TXNDC12: variants seen among roughly 807,000 people sequenced by gnomAD.
TXNDC12 encodes thioredoxin domain-containing protein 12.
Under a neutral mutation model 24.2 loss-of-function variants are expected in TXNDC12, and 22 were observed. The ratio of observed to expected loss-of-function variants is 0.91; its 90% CI spans 0.65 to 1.30. The LOEUF is 1.30. Ranked by LOEUF, TXNDC12 falls within the 50% of genes most tolerant of loss-of-function variation. The pLI is 0.00. For synonymous variants in TXNDC12, 58 were observed against 73.4 expected, an observed-to-expected ratio of 0.79 and a Z score of 1.07; for missense variants, 184 against 205.8, an observed-to-expected ratio of 0.89 and a Z score of 0.65.
intron 4 of TXNDC12, among the ~76,000 whole-genome samples, chr1:52,025,793 G>A (rs1163364668): frequency 6.6e-6 from 1 of 151,656 alleles, no homozygotes; most frequent in African/African-American, 2.4e-5. Context: ...GTTCACAAGA[G>A]TCCCAGACCT....
At chr1:52,022,848 C>T (rs900293992) in intron 6 of TXNDC12, among the ~76,000 whole-genome samples, 3 of 152,188 alleles carry the variant, frequency 2.0e-5, no homozygotes, top group African/African-American at 7.2e-5. Context: ...ACCATGTTAG[C>T]CAGGATGGTC....
intron 1 of TXNDC12, among the ~76,000 whole-genome samples, chr1:52,048,226 A>T (rs1175521880): frequency 6.6e-6 from 1 of 152,186 alleles, no homozygotes; most frequent in Non-Finnish European, 1.5e-5. Context: ...GCATTTTGGG[A>T]GGCCAAGGCA....
intron 2 of TXNDC12, among the ~76,000 whole-genome samples, chr1:52,041,158 C>T (rs1685980940): frequency 1.3e-5 from 2 of 151,980 alleles, no homozygotes; most frequent in African/African-American, 4.8e-5. Flanking sequence ...CGGTGAAACC[C>T]CGTCTCTACT....
Position 52,033,663 on chromosome 1 carries a change from G to A in TXNDC12, c.159-5033C>T, listed in dbSNP as rs1685824423. ...CCAGGACAGCTGCGTCGTCCACCAC[G>A]TACACCGCGCGGCCCTCGGCAGCCA... On this transcript the variant is annotated intron_variant, in intron 2 of 6. Transcript: ENST00000371626. 1.9e-6 allele frequency: 3 copies of A among 1,611,104 alleles called. No homozygotes were observed. In the East Asian group the frequency reaches 6.7e-5, roughly 36 times the overall value.
chr1:52,026,239 G>C (rs986750858), intron 4 of TXNDC12, among the ~76,000 whole-genome samples: 5 of 152,154 alleles, frequency 3.3e-5, no homozygotes, highest in Admixed American at 6.5e-5. Context: ...CTAGGTGAGA[G>C]TACCTATTCT....
chr1:52,054,873 A>G, intron 1 of TXNDC12, 127 bp downstream of exon 1: 1 of 651,754 alleles, frequency 1.5e-6, no homozygotes, highest in Non-Finnish European at 2.7e-6. Context: ...CGGTTGGGGA[A>G]GATAAAAAGA....
At chr1:52,030,769 G>A (rs1331398776) in intron 2 of TXNDC12, among the ~76,000 whole-genome samples, 3 of 152,164 alleles carry the variant, frequency 2.0e-5, no homozygotes, top group Admixed American at 1.3e-4. Context: ...CCAGCCCACC[G>A]TCTGCTTCCG....
chr1:52,039,884 T>C (rs974574916), intron 2 of TXNDC12, among the ~76,000 whole-genome samples: 4 of 152,208 alleles, frequency 2.6e-5, no homozygotes, highest in African/African-American at 9.6e-5. Flanking sequence ...GTGTGGTCTA[T>C]AGGTGTTTGT....
intron 1 of TXNDC12, among the ~76,000 whole-genome samples, chr1:52,051,289 A>G (rs1572012902): frequency 1.3e-5 from 2 of 152,320 alleles, no homozygotes; most frequent in South Asian, 2.1e-4. Flanking sequence ...AAGTACTTCT[A>G]GTACAACTTT....
chr1:52,031,064 C>T (rs1298114766), intron 2 of TXNDC12, among the ~76,000 whole-genome samples: 1 of 152,064 alleles, frequency 6.6e-6, no homozygotes, highest in Non-Finnish European at 1.5e-5. Context: ...TTTCCAAAAC[C>T]ACCTCCCCCA....
chr1:52,039,128 C>T lies in TXNDC12; in HGVS notation c.158+2409G>A, dbSNP rs79707328. Among the ~76,000 whole-genome samples the T allele has an allele frequency of 7.2e-3, 1,020 of 140,754 alleles. 5 individuals carry two copies. Among genetic ancestry groups the T allele is most frequent in the Non-Finnish European group, 0.012 (813 of 65,504 alleles). The allele number at this position is 140,754 out of a possible 152,430, so 92.3% of individuals were successfully genotyped here. On this transcript the variant is annotated intron_variant, in intron 2 of 6. Transcript: ENST00000371626. ...AAAAAAGGGTTCATTTATCTTGAAA[C>T]GACAAGCAACTACCTGTGTAGACCT...
At chr1:52,031,863 T>C (rs1396503435) in intron 2 of TXNDC12, among the ~76,000 whole-genome samples, 1 of 152,198 alleles carries the variant, frequency 6.6e-6, no homozygotes, top group African/African-American at 2.4e-5. Context: ...GTACCTACCA[T>C]TTGTTCAATG....
At chr1:52,049,301 A>G (rs1686155348) in intron 1 of TXNDC12, among the ~76,000 whole-genome samples, 1 of 152,196 alleles carries the variant, frequency 6.6e-6, no homozygotes, top group Admixed American at 6.5e-5. Flanking sequence ...GTCTAGAGGT[A>G]TAACGTGAAA....
rs1686310887 is a variant in TXNDC12, at chr1:52,055,097, G to A, written c.-1C>T. The A allele has an allele frequency of 1.2e-6, 2 of 1,612,898 alleles. No homozygotes were observed. The highest frequency in any genetic ancestry group is 1.3e-5 in the African/African-American group (1 of 74,928). On this transcript the variant is annotated 5_prime_UTR_variant, in exon 1 of 7. Transcript: ENST00000371626. ...CCCCGAGACGAGGCCGCGTCTCCAT[G>A]GCAGTAGGTGCGCGGGGCCACGGGG...
intron 2 of TXNDC12, chr1:52,033,418 G>C: frequency 6.9e-7 from 1 of 1,451,384 alleles, no homozygotes; most frequent in Non-Finnish European, 9.4e-7. Flanking sequence ...CTGAGGTCCC[G>C]CGATCGGGCC....
intron 2 of TXNDC12, chr1:52,032,817 C>T (rs981233890): frequency 6.2e-6 from 10 of 1,614,028 alleles, no homozygotes; most frequent in Non-Finnish European, 6.8e-6. Flanking sequence ...TCAGTTCTGC[C>T]ATGGTCAAGG....
intron 2 of TXNDC12, among the ~76,000 whole-genome samples, chr1:52,040,132 C>T (rs948852189): frequency 4.6e-5 from 7 of 151,948 alleles, no homozygotes; most frequent in African/African-American, 1.5e-4. Context: ...GGGGTTTTAC[C>T]ATGTTGGCCA....
At chr1:52,045,365 C>T (rs1021740395) in intron 1 of TXNDC12, among the ~76,000 whole-genome samples, 2 of 152,128 alleles carry the variant, frequency 1.3e-5, no homozygotes, top group African/African-American at 4.8e-5. Context: ...CCCCACCCCA[C>T]TCCAAAGTTC....
At chr1:52,028,999 G>T (rs768783527) in intron 2 of TXNDC12, among the ~76,000 whole-genome samples, 1 of 152,060 alleles carries the variant, frequency 6.6e-6, no homozygotes, top group Non-Finnish European at 1.5e-5. Flanking sequence ...GTGGTGGCAC[G>T]TGCCTGTAGT....
Sources: allele counts gnomAD v4.1 joint callset (sites outside exome capture counted in the v4.1 genomes callset), GRCh38; gene constraint gnomAD v4.1.1; transcripts MANE v1.5; gene names NCBI Gene and HGNC (gene_info 2026-07-23, HGNC 2026-07-21).